Variants in USP13 observed in about 807,000 individuals in gnomAD.
USP13 encodes the protein ubiquitin carboxyl-terminal hydrolase 13.
USP13 carries 68 observed loss-of-function variants against 107.8 expected under a neutral mutation model. The ratio of observed to expected loss-of-function variants is 0.63; its 90% CI spans 0.52 to 0.77. The LOEUF (loss-of-function observed/expected upper bound fraction) is 0.77, where lower values mean the gene tolerates loss of function less well. Among genes scored for constraint, USP13 ranks in the 30% least tolerant of loss-of-function variants. The pLI is 0.00. For synonymous variants in USP13, 377 were observed against 389.5 expected, an observed-to-expected ratio of 0.97 and a Z score of 0.38; for missense variants, 945 against 1,093.3, an observed-to-expected ratio of 0.86 and a Z score of 1.91.
At chr3:179,736,267 G>A (rs1020059216) in intron 10 of USP13, among the ~76,000 whole-genome samples, 2 of 152,180 alleles carry the variant, frequency 1.3e-5, no homozygotes, top group Non-Finnish European at 2.9e-5. Context: ...TTTGACTTGT[G>A]TTTGGTATAA....
rs779476611 is a variant in USP13 at position 179,742,291 on chromosome 3, C to T, written c.1475C>T (p.Thr492Met). Residue 492 changes from threonine to methionine, a missense_variant, in exon 12 of 21, where the codon ACG becomes ATG. Thr to Met is a moderately conservative substitution (Grantham distance 81, BLOSUM62 -1). Coordinates refer to ENST00000263966, the MANE Select transcript of USP13 (RefSeq NM_003940.3). The surrounding 1 kb of genome is among the most constrained non-coding windows in gnomAD (Gnocchi z 5.0). ...QCCQTRKVRY[T>M]ERVDYLMQLP... ...TGTCAGACCCGGAAAGTCCGCTACA[C>T]GGAGAGGGTGGATTACCTGATGCAG... is the stretch of plus-strand genomic sequence containing the variant. 7 of 1,614,210 alleles carry T rather than the reference C, an allele frequency of 4.3e-6. No homozygotes were observed. Among genetic ancestry groups the T allele is most frequent in the South Asian group, 1.1e-5 (1 of 91,082 alleles).
At chr3:179,772,235 A>C (rs1715362354) in intron 19 of USP13, among the ~76,000 whole-genome samples, 1 of 152,256 alleles carries the variant, frequency 6.6e-6, no homozygotes, top group African/African-American at 2.4e-5. Flanking sequence ...GCTAGAAATC[A>C]GGCCGTCACT....
intron 1 of USP13, among the ~76,000 whole-genome samples, chr3:179,662,708 T>C (rs1720489315): frequency 6.6e-6 from 1 of 152,202 alleles, no homozygotes; most frequent in Non-Finnish European, 1.5e-5. Context: ...TTCATTACCT[T>C]TAAAGTTGTA....
chr3:179,682,239 A>C (rs944021814), intron 2 of USP13, among the ~76,000 whole-genome samples: 1 of 103,730 alleles, frequency 9.6e-6, no homozygotes, highest in African/African-American at 2.9e-5. Context: ...ACATAGATTG[A>C]CTAATTGGAA....
chr3:179,720,258 TC>T (rs1398971969), intron 7 of USP13, among the ~76,000 whole-genome samples: 5 of 152,256 alleles, frequency 3.3e-5, no homozygotes, highest in African/African-American at 1.2e-4. Flanking sequence ...TGGCACCTCA[TC>T]AAGTACTCTT....
At chr3:179,765,999 G>C in intron 19 of USP13, 151 bp downstream of exon 19, 1 of 906,716 alleles carries the variant, frequency 1.1e-6, no homozygotes, top group Non-Finnish European at 1.5e-6. Context: ...TTTCTTTTTT[G>C]AGACAGAGTC....
intron 19 of USP13, among the ~76,000 whole-genome samples, chr3:179,778,846 G>A (rs963892529): frequency 1.3e-5 from 2 of 152,244 alleles, no homozygotes; most frequent in Non-Finnish European, 2.9e-5. Context: ...TAAGGGAAAC[G>A]GGAGCAACAG....
chr3:179,741,521 ATT>A (rs11284431), intron 11 of USP13, among the ~76,000 whole-genome samples: 1 of 151,536 alleles, frequency 6.6e-6, no homozygotes, highest in Non-Finnish European at 1.5e-5. Context: ...TGCCTGGCTA[ATT>A]TTTTTGTATT....
chr3:179,692,069 A>G (rs1437743116), intron 3 of USP13, among the ~76,000 whole-genome samples: 2 of 152,230 alleles, frequency 1.3e-5, no homozygotes, highest in Non-Finnish European at 2.9e-5. Flanking sequence ...GCATGCATGT[A>G]TGAATGTATA....
At chr3:179,754,465 T>C (rs1485090736) in intron 14 of USP13, among the ~76,000 whole-genome samples, 3 of 152,220 alleles carry the variant, frequency 2.0e-5, no homozygotes, top group African/African-American at 7.2e-5. Flanking sequence ...GGGCCACACA[T>C]GGTCTATGGG....
chr3:179,783,938 C>A, intron 20 of USP13, 110 bp from the exon 21 acceptor site: 2 of 828,564 alleles, frequency 2.4e-6, no homozygotes, highest in African/African-American at 1.7e-5. Flanking sequence ...GAGTATAGTA[C>A]CTTAAAACAT....
intron 10 of USP13, among the ~76,000 whole-genome samples, chr3:179,734,777 G>A (rs1044356912): frequency 6.6e-6 from 1 of 152,218 alleles, no homozygotes; most frequent in African/African-American, 2.4e-5. Context: ...TAAATCAACA[G>A]ACTTCATACA....
In USP13 at chr3:179,665,857, A is replaced by G. The variant is rs547157186; in HGVS notation, c.168+12464A>G. On this transcript the variant is annotated intron_variant, in intron 1 of 20. Coordinates refer to ENST00000263966, the MANE Select transcript of USP13 (RefSeq NM_003940.3). ...TGCCTTGGCTTCTCAAAGTGCTGGG[A>G]TTACAGGCATGAGCCACTGCACCCA... Among the ~76,000 whole-genome samples the G allele has an allele frequency of 3.3e-5, 5 of 152,292 alleles. No individual in the cohort carries two copies. The South Asian group carries it at 1.0e-3, about 32-fold the overall frequency.
chr3:179,713,395 G>T (rs1712996511), intron 6 of USP13, among the ~76,000 whole-genome samples: 1 of 152,186 alleles, frequency 6.6e-6, no homozygotes, highest in South Asian at 2.1e-4. Flanking sequence ...CTGTTTAATA[G>T]ATCGCAAGCT....
chr3:179,737,762 T>C (rs1714043998), intron 10 of USP13, among the ~76,000 whole-genome samples: 1 of 152,228 alleles, frequency 6.6e-6, no homozygotes, highest in African/African-American at 2.4e-5. Flanking sequence ...TCAGGTCCTC[T>C]GTGGTGTTCC....
At chr3:179,757,163 A>G (rs771473571) in intron 16 of USP13, 85 bp downstream of exon 16, 231 of 1,478,140 alleles carry the variant, frequency 1.6e-4, no homozygotes, top group Non-Finnish European at 2.1e-4. Context: ...GTAAAGAGGC[A>G]TTGTTCTGTA....
chr3:179,757,102 T>C (rs906699474), intron 16 of USP13, 24 bp downstream of exon 16: 2 of 1,611,094 alleles, frequency 1.2e-6, no homozygotes, highest in Non-Finnish European at 8.5e-7. Flanking sequence ...AAAATGTTTC[T>C]CAATGTCCTA....
chr3:179,761,984 G>GT (rs1225217206), intron 17 of USP13, among the ~76,000 whole-genome samples: 1 of 152,090 alleles, frequency 6.6e-6, no homozygotes, highest in Non-Finnish European at 1.5e-5. Flanking sequence ...CATTTCAATG[G>GT]TTTTTCATAA....
chr3:179,752,375 T>C lies in USP13; in HGVS notation c.1798+2T>C. The C allele has an allele frequency of 6.2e-7, 1 of 1,611,916 alleles. No individual in the cohort carries two copies. The highest frequency in any genetic ancestry group is 8.5e-7 in the Non-Finnish European group (1 of 1,178,010). On this transcript the variant is annotated splice_donor_variant, in intron 14 of 20. Coordinates refer to ENST00000263966, the MANE Select transcript of USP13 (RefSeq NM_003940.3). LOFTEE classifies it high-confidence loss of function. Reference sequence around the variant, plus strand: ...TTGACTGGGTTCCCAAAAAATTTGGTAGGTATCTTTTGCGTGCTTTTGCTT... The same window carrying C: ...TTGACTGGGTTCCCAAAAAATTTGGCAGGTATCTTTTGCGTGCTTTTGCTT...
Sources: gnomAD v4.1 joint callset for allele counts (sites outside exome capture counted in the v4.1 genomes callset) on GRCh38, gnomAD v4.1.1 for gene constraint, Gnocchi (gnomAD v3.1) non-coding constraint, MANE v1.5 for transcripts, NCBI Gene and HGNC (gene_info 2026-07-23, HGNC 2026-07-21) for gene names.